The following ELFN1 variants were observed in gnomAD, a reference collection of about 807,000 sequenced individuals.
ELFN1 encodes extracellular leucine rich repeat and fibronectin type III domain containing 1, also known as protein ELFN1.
In ELFN1, 6 loss-of-function variants were observed where a neutral mutation model predicts 7.6. That is an observed-to-expected ratio of 0.79 (90% confidence interval 0.43 to 1.56). ELFN1 has a LOEUF of 1.56. ELFN1 is among the 40% of genes most tolerant of loss of function. The pLI is 0.01. For missense variants in ELFN1, 1,169 were observed against 1,232.2 expected, an observed-to-expected ratio of 0.95 and a Z score of 0.77; for synonymous variants, 657 against 588.1, an observed-to-expected ratio of 1.12 and a Z score of -1.70.
chr7:1,725,292 C>T (rs1780156203), intron 3 of ELFN1, among the ~76,000 whole-genome samples: 1 of 152,260 alleles, frequency 6.6e-6, no homozygotes, highest in African/African-American at 2.4e-5. Context: ...CAGAATCCCG[C>T]CCACAGCTGG....
At chr7:1,679,302 G>A (rs1778931237) in intron 1 of ELFN1, among the ~76,000 whole-genome samples, 2 of 152,180 alleles carry the variant, frequency 1.3e-5, no homozygotes, top group African/African-American at 4.8e-5. Flanking sequence ...CTACAGCCCA[G>A]GCCTGGGTCC....
At chr7:1,687,514 C>T (rs2128578770) in intron 1 of ELFN1, among the ~76,000 whole-genome samples, 1 of 152,210 alleles carries the variant, frequency 6.6e-6, no homozygotes, top group Middle Eastern at 3.4e-3. Context: ...CTTCTCTCCT[C>T]CAGGGGAATC....
At chr7:1,697,321 A>T (rs1209494470) in intron 2 of ELFN1, among the ~76,000 whole-genome samples, 1 of 152,150 alleles carries the variant, frequency 6.6e-6, no homozygotes, top group African/African-American at 2.4e-5. Context: ...GGACTCAGAG[A>T]GGAACAGTCG....
At chr7:1,684,038 T>A (rs569200554) in intron 1 of ELFN1, among the ~76,000 whole-genome samples, 1 of 152,256 alleles carries the variant, frequency 6.6e-6, no homozygotes, top group East Asian at 1.9e-4. Flanking sequence ...TAGTCCTAGC[T>A]GCTTGAGAGG....
At chr7:1,724,433 TGGCTACGTG>T (rs1238776630) in intron 3 of ELFN1, among the ~76,000 whole-genome samples, 1 of 152,184 alleles carries the variant, frequency 6.6e-6, no homozygotes, top group Non-Finnish European at 1.5e-5. Flanking sequence ...CCCTGCTGGC[TGGCTACGTG>T]GGTGTGAGTT....
rs541236611 is a variant in ELFN1 at position 1,695,176 on chromosome 7, G to T, written c.-456+7026G>T. Among the ~76,000 whole-genome samples, 3 of 152,362 alleles carry T rather than the reference G, an allele frequency of 2.0e-5. No homozygotes were observed. The South Asian group carries it at 6.2e-4, about 32-fold the overall frequency. ...CAGAGCTCATGCGCAGCCCGCTGGGGCTGTGAGGGTTCTGTCCATCCACCA... is the reference window on the plus strand; with the variant it reads ...CAGAGCTCATGCGCAGCCCGCTGGGTCTGTGAGGGTTCTGTCCATCCACCA... On this transcript the variant is annotated intron_variant, in intron 2 of 3. Transcript: ENST00000424383. The surrounding 1 kb of genome is among the most constrained non-coding windows in gnomAD (Gnocchi z 5.1).
chr7:1,723,809 A>G (rs112500175), intron 3 of ELFN1, among the ~76,000 whole-genome samples: 5,818 of 152,338 alleles, frequency 0.038, 380 homozygotes, highest in African/African-American at 0.13. Context: ...CAGTGCCTGC[A>G]CGGGGTTGGG....
intron 3 of ELFN1, among the ~76,000 whole-genome samples, chr7:1,734,344 C>A (rs1055386431): frequency 5.3e-5 from 8 of 152,224 alleles, no homozygotes; most frequent in Admixed American, 3.3e-4. Context: ...AGTGATTTCT[C>A]CCTCCAACGG....
At chr7:1,733,751 A>G (rs1421118607) in intron 3 of ELFN1, among the ~76,000 whole-genome samples, 1 of 152,146 alleles carries the variant, frequency 6.6e-6, no homozygotes, top group East Asian at 1.9e-4. Flanking sequence ...CTCTAGCACA[A>G]TTAACAGCAG....
In ELFN1 at chr7:1,746,471, G is replaced by A. The variant is rs1050193842; in HGVS notation, c.1875G>A (p.Gln625=). 2 of 1,520,950 alleles carry A rather than the reference G, an allele frequency of 1.3e-6. No individual in the cohort carries two copies. The highest frequency in any genetic ancestry group is 1.8e-6 in the Non-Finnish European group (2 of 1,139,490). The allele number at this position is 1,520,950 out of a possible 1,614,324, so 94.2% of individuals were successfully genotyped here. Residue 625 remains glutamine (Q), a synonymous_variant, in exon 4 of 4, where the codon CAG becomes CAA. Transcript: ENST00000424383. The stretch of plus-strand genomic sequence containing the variant: ...AGGACGCCTTCGGCCACAGCCTGCA[G>A]CGGCACCACAGCGTGGAGGCCGCCG... ...GYKDAFGHSL[Q]RHHSVEAAGP...
At chr7:1,689,166 C>T (rs1355353868) in intron 2 of ELFN1, among the ~76,000 whole-genome samples, 2 of 152,176 alleles carry the variant, frequency 1.3e-5, no homozygotes, top group Admixed American at 1.3e-4. Context: ...AGTTGTGATG[C>T]TTATAGTTTG....
At position 1,747,302 on chromosome 7, in the gene ELFN1, C is replaced by CCACACACACA. The variant is rs143376319; in HGVS notation, c.*243_*252dup. Reference sequence around the variant, plus strand: ...GCTTGTCGCCCCGGGTGGCACGTGTCCACACACACACACACACACACACAC... The same window carrying CCACACACACA: ...GCTTGTCGCCCCGGGTGGCACGTGTCCACACACACACACACACACACACACACACACACAC... On this transcript the variant is annotated 3_prime_UTR_variant, in exon 4 of 4. Transcript: ENST00000424383. 7.8e-3 allele frequency: 2,098 copies of CCACACACACA among 270,048 alleles called. 36 individuals are homozygous for CCACACACACA. Among genetic ancestry groups the CCACACACACA allele is most frequent in the African/African-American group, 0.04 (1,264 of 31,842 alleles). The allele number at this position is 270,048 out of a possible 1,614,324, so 16.7% of individuals were successfully genotyped here.
intron 2 of ELFN1, chr7:1,694,252 G>T: frequency 5.2e-6 from 1 of 193,062 alleles, no homozygotes; most frequent in East Asian, 1.2e-4. Context: ...GCTGGGGAAT[G>T]CCATCACCTT....
upstream of ELFN1, among the ~76,000 whole-genome samples, chr7:1,668,341 G>T (rs4320443): frequency 6.6e-6 from 1 of 152,234 alleles, no homozygotes. Context: ...CCAGCACAGC[G>T]CAGGGCACAC....
At chr7:1,693,006 G>C (rs1285738913) in intron 2 of ELFN1, 1 of 268,402 alleles carries the variant, frequency 3.7e-6, no homozygotes, top group African/African-American at 2.2e-5. Flanking sequence ...TACTCTCTCA[G>C]CCTCAGTTTT....
Position 1,746,452 on chromosome 7 carries a change from C to A in ELFN1, c.1856C>A (p.Ala619Asp). The A allele has an allele frequency of 3.3e-6, 5 of 1,527,824 alleles. No individual in the cohort carries two copies. The highest frequency in any genetic ancestry group is 4.4e-6 in the Non-Finnish European group (5 of 1,141,854). The allele number at this position is 1,527,824 out of a possible 1,614,324, so 94.6% of individuals were successfully genotyped here. A position where few individuals can be genotyped will look rare whatever the true frequency, so the allele number is the denominator to read the frequency against. ...HGFLAPGYKD[A>D]FGHSLQRHHS... ...TTCCTGGCGCCCGGGTACAAGGACG[C>A]CTTCGGCCACAGCCTGCAGCGGCAC... is the stretch of plus-strand genomic sequence containing the variant. The change falls in exon 4 of 4, where the codon GCC (alanine) becomes GAC (aspartate). Residue 619 changes from alanine to aspartate, a missense_variant. Coordinates refer to ENST00000424383, the MANE Select transcript of ELFN1 (RefSeq NM_001128636.4).
At chr7:1,722,185 G>A (rs1780042984) in intron 3 of ELFN1, among the ~76,000 whole-genome samples, 1 of 152,016 alleles carries the variant, frequency 6.6e-6, no homozygotes, top group Admixed American at 6.6e-5. Flanking sequence ...TACCAAATCA[G>A]GACCCCAGAG....
At chr7:1,708,149 A>ATC (rs1334252783) in intron 2 of ELFN1, among the ~76,000 whole-genome samples, 1 of 152,150 alleles carries the variant, frequency 6.6e-6, no homozygotes, top group African/African-American at 2.4e-5. Flanking sequence ...ATGCAAAAGC[A>ATC]TCATTCATGG....
At chr7:1,729,829 G>A (rs928130384) in intron 3 of ELFN1, among the ~76,000 whole-genome samples, 1 of 152,246 alleles carries the variant, frequency 6.6e-6, no homozygotes, top group South Asian at 2.1e-4. Flanking sequence ...CGAAGGGGCT[G>A]AGATTGCAGT....
Sources: gnomAD v4.1 joint callset for allele counts (sites outside exome capture counted in the v4.1 genomes callset) on GRCh38, gnomAD v4.1.1 for gene constraint, Gnocchi (gnomAD v3.1) non-coding constraint, MANE v1.5 for transcripts, NCBI Gene and HGNC (gene_info 2026-07-23, HGNC 2026-07-21) for gene names.